Variants in EFCAB7 observed in about 807,000 individuals in gnomAD.
EFCAB7 encodes EF-hand calcium binding domain 7, also known as EF-hand calcium-binding domain-containing protein 7.
Under a neutral mutation model 77.1 loss-of-function variants are expected in EFCAB7, and 66 were observed. The ratio of observed to expected loss-of-function variants is 0.86; its 90% CI spans 0.70 to 1.05. The LOEUF is 1.05. Among genes scored for constraint, EFCAB7 ranks in the 50% least tolerant of loss-of-function variants. The pLI is 0.00. For synonymous variants in EFCAB7, 225 were observed against 243.3 expected (o/e 0.92, Z 0.70); for missense variants, 638 against 730.5 (o/e 0.87, Z 1.46).
At chr1:63,569,190 T>G (rs1235944384) in intron 12 of EFCAB7, 1 of 152,154 alleles carries the variant, frequency 6.6e-6, no homozygotes, top group Non-Finnish European at 1.5e-5. Flanking sequence ...TGAGACATAT[T>G]TTTATGCCTG....
chr1:63,576,962 T>C (rs147643508), downstream of EFCAB7, among the ~76,000 whole-genome samples: 4,858 of 151,892 alleles, frequency 0.032, 279 homozygotes, highest in African/African-American at 0.11. Context: ...GCCTGGCCAA[T>C]ATGGTGAAAC....
chr1:63,571,031 A>C lies in EFCAB7; in HGVS notation c.1718A>C (p.Lys573Thr), dbSNP rs1456940006. ...TSVIENKSDE[K>T]VIIHISNELS... ...ATCTTTTTTTAATAGTCAGATGAGAAAGTGATTATTCACATCAGCAATGAG... is the reference window on the plus strand; with the variant it reads ...ATCTTTTTTTAATAGTCAGATGAGACAGTGATTATTCACATCAGCAATGAG... The change falls in exon 13 of 14, where the codon AAA becomes ACA. Residue 573 changes from lysine to threonine, a missense_variant. Lys to Thr is a moderately conservative substitution (Grantham distance 78, BLOSUM62 -1). Transcript: ENST00000371088. 1.2e-6 allele frequency: 2 copies of C among 1,604,256 alleles called. No homozygotes were observed. Among genetic ancestry groups the C allele is most frequent in the East Asian group, 2.2e-5 (1 of 44,668 alleles).
At chr1:63,557,444 G>A (rs1647045830) in intron 10 of EFCAB7, among the ~76,000 whole-genome samples, 197 bp downstream of exon 10, 2 of 152,152 alleles carry the variant, frequency 1.3e-5, no homozygotes, top group South Asian at 4.1e-4. Flanking sequence ...TAATACTCAA[G>A]TTAAAAGAAA....
chr1:63,578,515 C>T, the EFCAB7 span, among the ~76,000 whole-genome samples: 1 of 151,080 alleles, frequency 6.6e-6, no homozygotes, highest in East Asian at 2.0e-4. Context: ...AATCTCAGCT[C>T]ACTGCAAGCT....
At chr1:63,536,373 T>G (rs1185666886) in intron 6 of EFCAB7, among the ~76,000 whole-genome samples, 1 of 152,146 alleles carries the variant, frequency 6.6e-6, no homozygotes, top group Non-Finnish European at 1.5e-5. Context: ...CATTTTTCTT[T>G]TCTTTATTTA....
chr1:63,534,135 C>G lies in EFCAB7; in HGVS notation c.723C>G (p.Phe241Leu). 6.2e-7 allele frequency: 1 copy of G among 1,613,332 alleles called. No individual in the cohort carries two copies. The highest frequency in any genetic ancestry group is 1.1e-5 in the South Asian group (1 of 91,016). The change falls in exon 6 of 14, where the codon TTC (phenylalanine) becomes TTG (leucine). Residue 241 changes from phenylalanine to leucine, a missense_variant. By Grantham distance (22) the Phe-to-Leu change is conservative. Coordinates refer to ENST00000371088, the MANE Select transcript of EFCAB7 (RefSeq NM_032437.4). ...RSSLLSATRK[F>L]KTSVSFTVTM... ...CTTTACTGTCAGCAACCAGGAAGTTCAAAACATCTGTTTCCTTCACAGTTA... is the reference window on the plus strand; with the variant it reads ...CTTTACTGTCAGCAACCAGGAAGTTGAAAACATCTGTTTCCTTCACAGTTA...
intron 2 of EFCAB7, among the ~76,000 whole-genome samples, chr1:63,528,552 T>A (rs1219955951): frequency 1.3e-5 from 2 of 152,082 alleles, no homozygotes; most frequent in Non-Finnish European, 2.9e-5. Context: ...AAGTGTACAT[T>A]TTAAAATAAT....
Position 63,532,680 on chromosome 1 carries a change from A to C in EFCAB7, c.410A>C (p.Lys137Thr). The C allele has an allele frequency of 1.3e-6, 2 of 1,595,784 alleles. No homozygotes were observed. The highest frequency in any genetic ancestry group is 1.7e-6 in the Non-Finnish European group (2 of 1,174,154). ...LYKFLTKRGE[K>T]MTREEVNAII... ...GTTTTTTTTTTTCAGAGAGGTGAGA[A>C]GATGACTCGAGAAGAAGTAAATGCC... The change falls in exon 4 of 14, where the codon AAG becomes ACG. Residue 137 changes from lysine to threonine, a missense_variant. Transcript: ENST00000371088.
At chr1:63,553,063 C>T (rs1261657117) in intron 8 of EFCAB7, among the ~76,000 whole-genome samples, 3 of 152,076 alleles carry the variant, frequency 2.0e-5, no homozygotes, top group Admixed American at 6.5e-5. Flanking sequence ...TTATAGGCTT[C>T]TGTTTATCTG....
chr1:63,574,767 T>A (rs964620584), downstream of EFCAB7, among the ~76,000 whole-genome samples: 10 of 152,186 alleles, frequency 6.6e-5, no homozygotes, highest in Non-Finnish European at 1.2e-4. Context: ...TCTGCCCATA[T>A]AACAGCATGG....
chr1:63,582,271 G>A, the EFCAB7 span, among the ~76,000 whole-genome samples: 1 of 152,184 alleles, frequency 6.6e-6, no homozygotes, highest in Non-Finnish European at 1.5e-5. Context: ...TGCCGGAAGT[G>A]CTCCTAAGAA....
chr1:63,524,192 T>C (rs983616873), intron 1 of EFCAB7, among the ~76,000 whole-genome samples: 6 of 152,250 alleles, frequency 3.9e-5, no homozygotes, highest in African/African-American at 1.4e-4. Flanking sequence ...AATATACTTA[T>C]ATTTTAAAAT....
chr1:63,573,222 C>T (rs143109836), downstream of EFCAB7, among the ~76,000 whole-genome samples: 169 of 152,022 alleles, frequency 1.1e-3, no homozygotes, highest in African/African-American at 3.5e-3. Context: ...AGGGCTGCTT[C>T]GAGTGGGATT....
At chr1:63,534,431 A>G in intron 6 of EFCAB7, 1 of 368,284 alleles carries the variant, frequency 2.7e-6, no homozygotes, top group Non-Finnish European at 4.8e-6. Context: ...GTAACACTCA[A>G]GTTTTATAAC....
At chr1:63,551,308 A>G (rs1434986870) in intron 7 of EFCAB7, among the ~76,000 whole-genome samples, 1 of 152,092 alleles carries the variant, frequency 6.6e-6, no homozygotes, top group East Asian at 1.9e-4. Context: ...AAAATGGAAT[A>G]TGGGCCGGGT....
chr1:63,539,707 C>T (rs1402972208), intron 6 of EFCAB7, among the ~76,000 whole-genome samples: 1 of 152,050 alleles, frequency 6.6e-6, no homozygotes. Context: ...TTTTATAAGT[C>T]TGTAATTCTA....
the EFCAB7 span, among the ~76,000 whole-genome samples, chr1:63,582,530 A>G: frequency 2.0e-5 from 3 of 152,214 alleles, no homozygotes; most frequent in East Asian, 5.8e-4. Flanking sequence ...TGGGTACAGG[A>G]TTGCTATAAG....
At chr1:63,570,997 G>A in intron 12 of EFCAB7, 24 bp from the exon 13 acceptor site, 1 of 1,512,382 alleles carries the variant, frequency 6.6e-7, no homozygotes. Flanking sequence ...AGGAATAGCA[G>A]CTTATGAAAT....
At chr1:63,580,269 AT>A in the EFCAB7 span, among the ~76,000 whole-genome samples, 1 of 151,844 alleles carries the variant, frequency 6.6e-6, no homozygotes, top group African/African-American at 2.4e-5. Context: ...GTTGAGGTCC[AT>A]TTTTTTTCAT....
Sources: allele counts gnomAD v4.1 joint callset (sites outside exome capture counted in the v4.1 genomes callset), GRCh38; gene constraint gnomAD v4.1.1; transcripts MANE v1.5; gene names NCBI Gene and HGNC (gene_info 2026-07-23, HGNC 2026-07-21).